Variants in ARID2 observed in about 807,000 individuals in gnomAD.
ARID2 encodes AT-rich interaction domain 2, also known as AT-rich interactive domain-containing protein 2.
In ARID2, 32 loss-of-function variants were observed where a neutral mutation model predicts 184.6. The ratio of observed to expected loss-of-function variants is 0.17; its 90% confidence interval spans 0.13 to 0.23. ARID2 has a LOEUF of 0.23. ARID2 is among the 10% of genes least tolerant of loss of function. The pLI is 1.00. For synonymous variants in ARID2, 836 were observed against 772.6 expected, an observed-to-expected ratio of 1.08 and a Z score of -1.36; for missense variants, 1,696 against 2,197.6, an observed-to-expected ratio of 0.77 and a Z score of 4.56.
rs886298893 is a variant in ARID2, at chr12:45,887,757, C to T, written c.4923-4023C>T. 2.6e-5 allele frequency among the ~76,000 whole-genome samples: 4 copies of T among 152,316 alleles called. No individual in the cohort carries two copies. The East Asian group carries it at 7.7e-4, about 29-fold the overall frequency. On this transcript the variant is annotated intron_variant, in intron 16 of 20. Transcript: ENST00000334344. ...AGGCATCTCCCTTCTGCAAGTGGCA[C>T]GAACTTCCCGAGGCTCCACCCCGTC...
chr12:45,802,717 AC>A (rs1422721370), intron 3 of ARID2, among the ~76,000 whole-genome samples: 1 of 152,146 alleles, frequency 6.6e-6, no homozygotes, highest in Non-Finnish European at 1.5e-5. Flanking sequence ...ACCAAGAAAC[AC>A]TGTGTGGTAA....
rs539343995 is a variant in ARID2 at position 45,849,961 on chromosome 12, C to G, written c.1913-75C>G. 27 of 1,507,038 alleles carry G rather than the reference C, an allele frequency of 1.8e-5. No homozygotes were observed. The African/African-American group carries it at 3.0e-4, about 17-fold the overall frequency. The allele number at this position is 1,507,038 out of a possible 1,614,324, so 93.4% of individuals were successfully genotyped here. A position where few individuals can be genotyped will look rare whatever the true frequency, so the allele number is the denominator to read the frequency against. On this transcript the variant is annotated intron_variant, in intron 14 of 20. Transcript: ENST00000334344. ...TGTTAATTTCTTAAAACTATTTTCT[C>G]TTAAGTAAAATAATTCCTACTTGGG...
In ARID2 at chr12:45,850,961, T is replaced by A. The variant is rs1281678500; in HGVS notation, c.2838T>A (p.Ile946=). 6.2e-7 allele frequency: 1 copy of A among 1,614,180 alleles called. No homozygotes were observed. Among genetic ancestry groups the A allele is most frequent in the East Asian group, 2.2e-5 (1 of 44,892 alleles). ...GQTYAPAIHQ[I]VLANPAALPA... ...CTTATGCACCAGCCATTCACCAAAT[T>A]GTTCTTGCTAATCCAGCAGCTCTTC... Residue 946 remains isoleucine, a synonymous_variant, in exon 15 of 21, where the codon ATT becomes ATA. Coordinates refer to ENST00000334344, the MANE Select transcript of ARID2 (RefSeq NM_152641.4).
At chr12:45,854,808 C>T (rs1056785378) in intron 15 of ARID2, among the ~76,000 whole-genome samples, 3 of 152,162 alleles carry the variant, frequency 2.0e-5, no homozygotes, top group African/African-American at 2.4e-5. Flanking sequence ...CTAGCTAAGA[C>T]GAGGACATGT....
intron 3 of ARID2, among the ~76,000 whole-genome samples, chr12:45,795,001 A>G (rs1161144042): frequency 6.6e-6 from 1 of 150,846 alleles, no homozygotes; most frequent in African/African-American, 2.4e-5. Flanking sequence ...AAAACATACT[A>G]TCTTGTAATT....
At chr12:45,885,807 C>G (rs1383993205) in intron 16 of ARID2, among the ~76,000 whole-genome samples, 2 of 152,054 alleles carry the variant, frequency 1.3e-5, no homozygotes, top group Admixed American at 1.3e-4. Flanking sequence ...CTCATGAGAA[C>G]TCACTCAGTA....
At chr12:45,829,973 C>G (rs963800651) in intron 6 of ARID2, among the ~76,000 whole-genome samples, 12 of 148,944 alleles carry the variant, frequency 8.1e-5, no homozygotes, top group Admixed American at 7.4e-4. Context: ...GAAATTCTCT[C>G]CATCCTATTT....
At chr12:45,730,222 T>TG (rs1233220482) in intron 2 of ARID2, 85 bp downstream of exon 2, 80 of 1,348,136 alleles carry the variant, frequency 5.9e-5, no homozygotes, top group Middle Eastern at 2.6e-4. Context: ...CGCTTGGGGC[T>TG]GGGGGGGTGG....
chr12:45,769,924 A>C (rs1355034278), intron 3 of ARID2, among the ~76,000 whole-genome samples: 1 of 152,184 alleles, frequency 6.6e-6, no homozygotes, highest in Non-Finnish European at 1.5e-5. Context: ...CAAACCTGTC[A>C]ACCAAGAATT....
At chr12:45,840,262 ATCTT>A (rs1480877801) in intron 11 of ARID2, 1 of 152,018 alleles carries the variant, frequency 6.6e-6, no homozygotes, top group Non-Finnish European at 1.5e-5. Flanking sequence ...AAGACACTTA[ATCTT>A]TCTTTATATT....
chr12:45,778,273 A>G (rs2138034762), intron 3 of ARID2, among the ~76,000 whole-genome samples: 1 of 152,238 alleles, frequency 6.6e-6, no homozygotes. Context: ...AAAATGCCTT[A>G]TTATAGATCT....
intron 3 of ARID2, among the ~76,000 whole-genome samples, chr12:45,752,107 A>G (rs1016206142): frequency 3.3e-5 from 5 of 152,234 alleles, no homozygotes; most frequent in Non-Finnish European, 7.4e-5. Flanking sequence ...TTCTTCTGTT[A>G]TCAAAGTCTA....
At chr12:45,896,028 T>C (rs754482561) in intron 20 of ARID2, among the ~76,000 whole-genome samples, 3 of 152,236 alleles carry the variant, frequency 2.0e-5, no homozygotes, top group Non-Finnish European at 2.9e-5. Flanking sequence ...ACCAAAGTAT[T>C]CTACAGATTC....
chr12:45,761,748 A>G (rs930505160), intron 3 of ARID2, among the ~76,000 whole-genome samples: 6 of 151,862 alleles, frequency 4.0e-5, no homozygotes, highest in South Asian at 2.1e-4. Flanking sequence ...AGCCATTTCA[A>G]TCTGAGATTT....
chr12:45,806,440 T>C (rs950280075), intron 3 of ARID2, among the ~76,000 whole-genome samples: 2 of 152,192 alleles, frequency 1.3e-5, no homozygotes, highest in Non-Finnish European at 2.9e-5. Flanking sequence ...TTATTGCTTC[T>C]GTTTCATTTA....
chr12:45,770,986 A>T (rs1341188870), intron 3 of ARID2, among the ~76,000 whole-genome samples: 1 of 152,062 alleles, frequency 6.6e-6, no homozygotes. Flanking sequence ...TCCTGTCACT[A>T]CCAATAAGAA....
intron 4 of ARID2, among the ~76,000 whole-genome samples, chr12:45,817,033 T>C (rs544952910): frequency 8.6e-4 from 131 of 152,232 alleles, no homozygotes; most frequent in Admixed American, 2.4e-3. Context: ...TGCAGTAATT[T>C]GGAAGAAGTC....
At chr12:45,901,154 A>ATTTTTTTTTTTTTTTTTTTTTTTTTTTTT (rs71067909) in intron 20 of ARID2, among the ~76,000 whole-genome samples, 1 of 44,972 alleles carries the variant, frequency 2.2e-5, no homozygotes, top group Non-Finnish European at 3.5e-5. Flanking sequence ...AATTTCCTTA[A>ATTTTTTTTTTTTTTTTTTTTTTTTTTTTT]TTTTTTTTTT....
At position 45,756,375 on chromosome 12, in the gene ARID2, TG is replaced by T. The variant is rs369181120; in HGVS notation, c.284+25062del. 2.3e-3 allele frequency among the ~76,000 whole-genome samples: 345 copies of T among 152,360 alleles called. 12 individuals carry two copies. In the South Asian group the frequency reaches 0.068, roughly 30 times the overall value. ...TAAAATTCTTCTGGAAGGGCTTTTT[TG>T]TTACTTAGAATCTTATTTTAACATT... is the stretch of plus-strand genomic sequence containing the variant. On this transcript the variant is annotated intron_variant, in intron 3 of 20. Coordinates refer to ENST00000334344, the MANE Select transcript of ARID2 (RefSeq NM_152641.4).
Sources: gnomAD v4.1 joint callset for allele counts (sites outside exome capture counted in the v4.1 genomes callset) on GRCh38, gnomAD v4.1.1 for gene constraint, MANE v1.5 for transcripts, NCBI Gene and HGNC (gene_info 2026-07-23, HGNC 2026-07-21) for gene names.